Variants in SLC30A3 observed in about 807,000 individuals in gnomAD.
The protein encoded by SLC30A3 is probable proton-coupled zinc antiporter SLC30A3.
In SLC30A3, 20 loss-of-function variants were observed where a neutral mutation model predicts 35.6. The ratio of observed to expected loss-of-function variants is 0.56; its 90% CI spans 0.39 to 0.82. The LOEUF is 0.82. Ranked by LOEUF, SLC30A3 falls within the 40% of genes least tolerant of loss-of-function variation. The pLI, the probability that SLC30A3 is intolerant of heterozygous loss-of-function variation, is 0.00. For synonymous variants in SLC30A3, 217 were observed against 224.7 expected, an observed-to-expected ratio of 0.97 and a Z score of 0.31; for missense variants, 401 against 530.6, an observed-to-expected ratio of 0.76 and a Z score of 2.40.
chr2:27,267,925 C>T (rs1677561745), upstream of SLC30A3, among the ~76,000 whole-genome samples: 1 of 150,528 alleles, frequency 6.6e-6, no homozygotes, highest in African/African-American at 2.4e-5. Flanking sequence ...ACAAACAAGA[C>T]TCCATCTCAA....
chr2:27,257,226 T>C lies in SLC30A3; in HGVS notation c.705A>G (p.Ala235=). 1 of 1,613,962 alleles carries C rather than the reference T, an allele frequency of 6.2e-7. No homozygotes were observed. Among genetic ancestry groups the C allele is most frequent in the South Asian group, 1.1e-5 (1 of 91,070 alleles). ...LPLGNTSVRA[A]FVHVLGDLLQ... ...GGAGGTCCCCCAGCACGTGCACAAA[T>C]GCCGCCCGGACGCTGGTGTTCCCCA... Residue 235 remains alanine (A), a synonymous_variant, in exon 5 of 8, where the codon GCA becomes GCG. Coordinates refer to ENST00000233535, the MANE Select transcript of SLC30A3 (RefSeq NM_003459.5). The surrounding 1 kb of genome is among the most constrained non-coding windows in gnomAD (Gnocchi z 4.7).
chr2:27,257,866 CT>C lies in SLC30A3; in HGVS notation c.578+38del, dbSNP rs536519817. 291 of 1,588,182 alleles carry C rather than the reference CT, an allele frequency of 1.8e-4. 2 individuals carry two copies. The East Asian group carries it at 6.3e-3, about 35-fold the overall frequency. ...CCATCCTGGAGGAAGACCCCTCGCC[CT>C]GGGCCCCACAAGGTGCCTGCTCCAT... On this transcript the variant is annotated intron_variant, in intron 4 of 7. Coordinates refer to ENST00000233535, the MANE Select transcript of SLC30A3 (RefSeq NM_003459.5). This position sits in a 1 kb window ranked among gnomAD's most constrained non-coding sequence, Gnocchi z 4.7.
rs187622660 is a variant in SLC30A3 at position 27,271,545 on chromosome 2, G to A, written c.-159+3632C>T. 6.4e-4 allele frequency among the ~76,000 whole-genome samples: 98 copies of A among 152,318 alleles called. 3 individuals carry two copies. The highest frequency in any genetic ancestry group is 2.2e-3 in the African/African-American group (93 of 41,558). ...AAATGGCACAGGTTTTTATAGAAGAGGAAAAATAGACTCAGAGATGAAATG... is the reference window on the plus strand; with the variant it reads ...AAATGGCACAGGTTTTTATAGAAGAAGAAAAATAGACTCAGAGATGAAATG... On this transcript the variant is annotated intron_variant, in intron 1 of 5. Transcript: ENST00000424577. The surrounding 1 kb of genome is among the most constrained non-coding windows in gnomAD (Gnocchi z 4.3).
chr2:27,264,154 G>A (rs569387445), upstream of SLC30A3: 49 of 919,174 alleles, frequency 5.3e-5, no homozygotes, highest in African/African-American at 7.3e-4. This position sits in a 1 kb window ranked among gnomAD's most constrained non-coding sequence, Gnocchi z 6.1. Context: ...AGGAGGGTCC[G>A]TAGGAGGAGG....
chr2:27,271,478 T>C lies in SLC30A3; in HGVS notation c.-159+3699A>G, dbSNP rs1408275528. The stretch of plus-strand genomic sequence containing the variant: ...ATTTTTGGTTTTTTACTTTCATTCT[T>C]TTTAAAACCAAATCCAATTAAGTCT... On this transcript the variant is annotated intron_variant, in intron 1 of 5. Transcript: ENST00000424577. The surrounding 1 kb of genome is among the most constrained non-coding windows in gnomAD (Gnocchi z 4.3). 6.6e-6 allele frequency among the ~76,000 whole-genome samples: 1 copy of C among 152,222 alleles called. No homozygotes were observed. The highest frequency in any genetic ancestry group is 1.5e-5 in the Non-Finnish European group (1 of 68,040).
At chr2:27,263,314 C>T (rs540773943), upstream of SLC30A3, 5 of 472,760 alleles carry the variant, frequency 1.1e-5, no homozygotes, top group South Asian at 4.8e-5. Context: ...TTCCAAGCCT[C>T]GCTCCTGAAG....
At chr2:27,261,196 G>C (rs954331685) in intron 1 of SLC30A3, among the ~76,000 whole-genome samples, 2 of 152,142 alleles carry the variant, frequency 1.3e-5, no homozygotes, top group African/African-American at 4.8e-5. Context: ...GGGCTGAGGA[G>C]GAAAGTGATG....
At position 27,257,563 on chromosome 2, in the gene SLC30A3, A is replaced by C; in HGVS notation, c.579-211T>G. 1 of 614,210 alleles carries C rather than the reference A, an allele frequency of 1.6e-6. No individual in the cohort carries two copies. The highest frequency in any genetic ancestry group is 2.8e-5 in the East Asian group (1 of 36,146). The allele number at this position is 614,210 out of a possible 1,614,324, so 38.0% of individuals were successfully genotyped here. A position where few individuals can be genotyped will look rare whatever the true frequency, so the allele number is the denominator to read the frequency against. On this transcript the variant is annotated intron_variant, in intron 4 of 7. Coordinates refer to ENST00000233535, the MANE Select transcript of SLC30A3 (RefSeq NM_003459.5). The surrounding 1 kb of genome is among the most constrained non-coding windows in gnomAD (Gnocchi z 4.7). ...GAAGCTGGCCCTGTTACTTAAATAG[A>C]TATGTGACTTGGGCAAGTCACCTGT...
chr2:27,262,664 CAGAGG>C lies in SLC30A3; in HGVS notation c.95+143_95+147del. ...TGTAGGGCTGGGCGCTCCGTGTGGC[CAGAGG>C]GGATGAAGCGGGGTGCAGCGGAGCG... is the stretch of plus-strand genomic sequence containing the variant. On this transcript the variant is annotated intron_variant, in intron 1 of 7. Transcript: ENST00000233535. This position sits in a 1 kb window ranked among gnomAD's most constrained non-coding sequence, Gnocchi z 7.5. 1.3e-6 allele frequency: 1 copy of C among 757,466 alleles called. No individual in the cohort carries two copies. The highest frequency in any genetic ancestry group is 2.3e-5 in the South Asian group (1 of 44,188). The allele number at this position is 757,466 out of a possible 1,614,324, so 46.9% of individuals were successfully genotyped here. A position where few individuals can be genotyped will look rare whatever the true frequency, so the allele number is the denominator to read the frequency against.
rs1422865558 is a variant in SLC30A3 at position 27,258,914 on chromosome 2, T to G, written c.116A>C (p.Glu39Ala). ...RLKSLFTEPS[E>A]PLPEESKPVE... ...AGGTTTGGACTCCTCAGGGAGGGGC[T>G]CTGAGGGCTCTGTGAAGAGACTGAG... Residue 39 changes from glutamate to alanine, a missense_variant, in exon 2 of 8, where the codon GAG (glutamate) becomes GCG (alanine). Physicochemically the swap from Glu to Ala is moderately radical, Grantham distance 107. This residue lies in a region of SLC30A3 where 103 missense variants were observed against 120.7 expected (regional missense o/e 0.85). Transcript: ENST00000233535. The surrounding 1 kb of genome is among the most constrained non-coding windows in gnomAD (Gnocchi z 4.0). 1.9e-6 allele frequency: 3 copies of G among 1,603,068 alleles called. No homozygotes were observed. The highest frequency in any genetic ancestry group is 2.6e-6 in the Non-Finnish European group (3 of 1,174,692).
chr2:27,259,899 C>T (rs1159720455), intron 1 of SLC30A3, among the ~76,000 whole-genome samples: 1 of 152,150 alleles, frequency 6.6e-6, no homozygotes, highest in Non-Finnish European at 1.5e-5. Context: ...AGAGTGCTAT[C>T]AGGGTTCTGA....
At position 27,258,826 on chromosome 2, in the gene SLC30A3, C is replaced by A. The variant is rs1158990524; in HGVS notation, c.204G>T (p.Glu68Asp). 1.9e-6 allele frequency: 3 copies of A among 1,614,114 alleles called. No individual in the cohort carries two copies. The highest frequency in any genetic ancestry group is 2.7e-5 in the African/African-American group (2 of 74,952). ...ATAGCTGCCTCCGTGCATGCAGCCT[C>A]TCAGGGGTAAGGCCCGGCGGCGGAA... ...DPLPPPGLTP[E>D]RLHARRQLYA... Residue 68 changes from glutamate (E) to aspartate (D), a missense_variant, in exon 2 of 8, where the codon GAG becomes GAT. Coordinates refer to ENST00000233535, the MANE Select transcript of SLC30A3 (RefSeq NM_003459.5). This position sits in a 1 kb window ranked among gnomAD's most constrained non-coding sequence, Gnocchi z 4.0.
upstream of SLC30A3, among the ~76,000 whole-genome samples, chr2:27,266,832 G>A (rs936077127): frequency 1.3e-5 from 2 of 152,180 alleles, no homozygotes; most frequent in African/African-American, 4.8e-5. Flanking sequence ...GGGAGGCAGA[G>A]GTTGCAGTGA....
upstream of SLC30A3, chr2:27,263,993 G>A (rs1009967420): frequency 7.8e-7 from 1 of 1,275,086 alleles, no homozygotes; most frequent in African/African-American, 1.5e-5. Flanking sequence ...TAAAACCCAG[G>A]GGAGGGAGCG....
Position 27,256,512 on chromosome 2 carries a change from G to C in SLC30A3, c.892C>G (p.Arg298Gly), listed in dbSNP as rs146572471. The change falls in exon 7 of 8, where the codon CGC becomes GGC. Residue 298 changes from arginine to glycine, a missense_variant. Arg to Gly is a moderately radical substitution (Grantham distance 125). This residue lies in a region of SLC30A3 where 296 missense variants were observed against 392.6 expected (regional missense o/e 0.75). Coordinates refer to ENST00000233535, the MANE Select transcript of SLC30A3 (RefSeq NM_003459.5). ...VLRILMEGTP[R>G]NVGFEPVRDT... is the part of the protein sequence containing the mutation. ...CGCACAGGTTCGAACCCCACATTGCGGGGGGTACCTGCAACCAGCACCAGT... is the reference window on the plus strand; with the variant it reads ...CGCACAGGTTCGAACCCCACATTGCCGGGGGTACCTGCAACCAGCACCAGT... 1.2e-6 allele frequency: 2 copies of C among 1,613,876 alleles called. No individual in the cohort carries two copies. Among genetic ancestry groups the C allele is most frequent in the Middle Eastern group, 1.6e-4 (1 of 6,062 alleles).
In SLC30A3 at chr2:27,258,120, T is replaced by C; in HGVS notation, c.424+41A>G. The stretch of plus-strand genomic sequence containing the variant: ...GCTTGGGACCCTGACGGGTGCCCTC[T>C]GGCAAGATTGGAGAGTCACTGGGCC... On this transcript the variant is annotated intron_variant, in intron 3 of 7. Transcript: ENST00000233535. The surrounding 1 kb of genome is among the most constrained non-coding windows in gnomAD (Gnocchi z 4.0). 1 of 1,606,120 alleles carries C rather than the reference T, an allele frequency of 6.2e-7. No homozygotes were observed. The highest frequency in any genetic ancestry group is 8.5e-7 in the Non-Finnish European group (1 of 1,173,850).
At chr2:27,263,256 TC>T, upstream of SLC30A3, 1 of 519,710 alleles carries the variant, frequency 1.9e-6, no homozygotes. Flanking sequence ...CACAGCCCCG[TC>T]CCCCAGGCGA....
exon 1 of SLC30A3, chr2:27,275,273 G>A (rs1308500969): frequency 1.6e-6 from 2 of 1,245,248 alleles, no homozygotes; most frequent in African/African-American, 1.5e-5. Flanking sequence ...GAGGGGCTCG[G>A]TGGGAATCCC....
Position 27,258,946 on chromosome 2 carries a change from A to C in SLC30A3, c.96-12T>G. ...GCTCTGTGAAGAGACTGAGGCAAGC[A>C]ACATGGTTCAACCTGGGCCTGGCCC... On this transcript the variant is annotated splice_polypyrimidine_tract_variant and intron_variant, in intron 1 of 7. Coordinates refer to ENST00000233535, the MANE Select transcript of SLC30A3 (RefSeq NM_003459.5). The surrounding 1 kb of genome is among the most constrained non-coding windows in gnomAD (Gnocchi z 4.0). 6.4e-7 allele frequency: 1 copy of C among 1,570,286 alleles called. No homozygotes were observed. Among genetic ancestry groups the C allele is most frequent in the Non-Finnish European group, 8.6e-7 (1 of 1,158,396 alleles).
Sources: allele counts gnomAD v4.1 joint callset (sites outside exome capture counted in the v4.1 genomes callset), GRCh38; gene constraint gnomAD v4.1.1; regional missense constraint gnomAD v4.1.1; non-coding constraint Gnocchi (gnomAD v3.1); transcripts MANE v1.5; gene names NCBI Gene and HGNC (gene_info 2026-07-23, HGNC 2026-07-21).